SERPINB7: variants seen among roughly 807,000 people sequenced by gnomAD.
SERPINB7 encodes the protein serpin B7.
In SERPINB7, 31 loss-of-function variants were observed where a neutral mutation model predicts 37.4. The ratio of observed to expected loss-of-function variants is 0.83; its 90% CI spans 0.62 to 1.12. The LOEUF (loss-of-function observed/expected upper bound fraction) is 1.12. SERPINB7 is among the 50% of genes most tolerant of loss of function. The pLI, the probability that SERPINB7 is intolerant of heterozygous loss-of-function variation, is 0.00. For missense variants in SERPINB7, 521 were observed against 455.3 expected (o/e 1.14, Z -1.31); for synonymous variants, 163 against 166.1 (o/e 0.98, Z 0.14).
chr18:63,771,529 A>T (rs143996865), upstream of SERPINB7, among the ~76,000 whole-genome samples: 1 of 152,056 alleles, frequency 6.6e-6, no homozygotes, highest in African/African-American at 2.4e-5. Flanking sequence ...ATGTGTTCTT[A>T]TATGTTTCAC....
chr18:63,775,832 A>G (rs776034032), intron 1 of SERPINB7, 116 bp downstream of exon 1: 1 of 152,126 alleles, frequency 6.6e-6, no homozygotes, highest in Non-Finnish European at 1.5e-5. Context: ...TAAATGGCCA[A>G]TGATCATGCT....
intron 2 of SERPINB7, among the ~76,000 whole-genome samples, chr18:63,790,083 T>C (rs2049411200): frequency 6.6e-6 from 1 of 152,200 alleles, no homozygotes; most frequent in South Asian, 2.1e-4. Context: ...AATTAGGTGA[T>C]AAAAACTACA....
At chr18:63,771,355 T>C (rs1394541139), upstream of SERPINB7, among the ~76,000 whole-genome samples, 1 of 152,120 alleles carries the variant, frequency 6.6e-6, no homozygotes, top group Non-Finnish European at 1.5e-5. Context: ...GTTTCCTGCA[T>C]AGACTGGATC....
intron 1 of SERPINB7, among the ~76,000 whole-genome samples, chr18:63,776,188 T>C (rs370791478): frequency 4.1e-4 from 62 of 151,896 alleles, no homozygotes; most frequent in African/African-American, 1.5e-3. Context: ...TGCTGTTGAG[T>C]TTTAAAATAA....
chr18:63,790,935 T>A (rs143434246), intron 2 of SERPINB7, among the ~76,000 whole-genome samples: 5,453 of 152,282 alleles, frequency 0.036, 130 homozygotes, highest in African/African-American at 0.068. Context: ...GTGGCACATA[T>A]GCACTATGGA....
At chr18:63,769,735 T>G (rs1287916697) in intron 1 of SERPINB7, among the ~76,000 whole-genome samples, 1 of 152,094 alleles carries the variant, frequency 6.6e-6, no homozygotes, top group East Asian at 1.9e-4. Flanking sequence ...GTATCATAAT[T>G]TAGTCAACAA....
At chr18:63,779,948 T>A (rs1430183471) in intron 1 of SERPINB7, among the ~76,000 whole-genome samples, 1 of 152,140 alleles carries the variant, frequency 6.6e-6, no homozygotes, top group Non-Finnish European at 1.5e-5. Context: ...AAATGTATCT[T>A]AAAGTATATT....
rs1420022306 is a variant in SERPINB7, at chr18:63,782,397, G to A, written c.25G>A (p.Ala9Thr). ...AATGGCCTCCCTTGCTGCAGCAAAT[G>A]CAGAGTTTTGCTTCAACCTGTTCAG... The part of the protein sequence containing the change: MASLAAAN[A>T]EFCFNLFREM... Residue 9 changes from alanine (A) to threonine (T), a missense_variant, in exon 2 of 8, where the codon GCA becomes ACA. Ala to Thr is a moderately conservative substitution (Grantham distance 58, BLOSUM62 0). Coordinates refer to ENST00000398019, the MANE Select transcript of SERPINB7 (RefSeq NM_003784.4). 2 of 1,612,562 alleles carry A rather than the reference G, an allele frequency of 1.2e-6. No homozygotes were observed. The highest frequency in any genetic ancestry group is 1.7e-6 in the Non-Finnish European group (2 of 1,179,104).
chr18:63,767,691 A>G (rs936259607), intron 1 of SERPINB7, among the ~76,000 whole-genome samples: 1 of 152,022 alleles, frequency 6.6e-6, no homozygotes, highest in Non-Finnish European at 1.5e-5. Flanking sequence ...CAGCTCATAA[A>G]TGAGCTGGAA....
At chr18:63,759,381 A>C (rs2084239859) in intron 1 of SERPINB7, among the ~76,000 whole-genome samples, 1 of 152,208 alleles carries the variant, frequency 6.6e-6, no homozygotes, top group South Asian at 2.1e-4. Context: ...TCCTTCACAG[A>C]AGAACATGAC....
upstream of SERPINB7, among the ~76,000 whole-genome samples, chr18:63,771,033 C>A (rs1376426166): frequency 1.9e-5 from 2 of 104,500 alleles, no homozygotes; most frequent in Non-Finnish European, 3.6e-5. Context: ...ATGCAGTTTG[C>A]GTGGTGGGGT....
intron 1 of SERPINB7, chr18:63,777,826 G>T (rs1396260441): frequency 7.1e-6 from 1 of 140,996 alleles, no homozygotes; most frequent in East Asian, 2.3e-4. Context: ...AGACAGTAAG[G>T]TAAATACTTC....
intron 1 of SERPINB7, chr18:63,778,180 A>G (rs1329232704): frequency 6.6e-6 from 1 of 152,084 alleles, no homozygotes; most frequent in Non-Finnish European, 1.5e-5. Flanking sequence ...CTGTGTTCTT[A>G]TTTAAGGCAT....
chr18:63,805,030 A>G lies in SERPINB7; in HGVS notation c.*395A>G. ...CTAGCTTCATTGTAAGCAATCTAGG[A>G]AATAAGCCCTGCTGCTTTCTAGAAA... is the stretch of plus-strand genomic sequence containing the variant. On this transcript the variant is annotated 3_prime_UTR_variant, in exon 8 of 8. Coordinates refer to ENST00000398019, the MANE Select transcript of SERPINB7 (RefSeq NM_003784.4). 5.9e-6 allele frequency: 1 copy of G among 169,532 alleles called. No homozygotes were observed. Among genetic ancestry groups the G allele is most frequent in the East Asian group, 1.7e-4 (1 of 5,854 alleles). 10.5% of individuals were successfully genotyped at this position (169,532 alleles called of 1,614,324 possible). A position where few individuals can be genotyped will look rare whatever the true frequency, so the allele number is the denominator to read the frequency against.
intron 7 of SERPINB7, among the ~76,000 whole-genome samples, chr18:63,802,131 T>G (rs575590069): frequency 6.6e-5 from 10 of 152,326 alleles, no homozygotes; most frequent in Admixed American, 3.3e-4. Context: ...GATTTCCTAC[T>G]GTTATAATTT....
At chr18:63,787,309 TG>T (rs1028352998) in intron 2 of SERPINB7, among the ~76,000 whole-genome samples, 2 of 152,304 alleles carry the variant, frequency 1.3e-5, no homozygotes, top group Admixed American at 1.3e-4. Context: ...CTTGGATTTT[TG>T]TAAAGATAAA....
At chr18:63,765,797 C>T (rs189762788) in intron 1 of SERPINB7, among the ~76,000 whole-genome samples, 10 of 152,166 alleles carry the variant, frequency 6.6e-5, no homozygotes, top group East Asian at 3.9e-4. Context: ...TTCTAGAAAC[C>T]GATTTTTTTC....
chr18:63,779,674 C>T (rs970677), intron 1 of SERPINB7, among the ~76,000 whole-genome samples: 2 of 151,764 alleles, frequency 1.3e-5, no homozygotes, highest in Admixed American at 6.6e-5. Flanking sequence ...TAAAACTTAC[C>T]TAAGCTAAAC....
At chr18:63,756,028 A>G (rs1007294098) in intron 1 of SERPINB7, among the ~76,000 whole-genome samples, 1 of 152,022 alleles carries the variant, frequency 6.6e-6, no homozygotes, top group Non-Finnish European at 1.5e-5. Context: ...TCATTGATAT[A>G]TAAATATATA....
Sources: gnomAD v4.1 joint callset for allele counts (sites outside exome capture counted in the v4.1 genomes callset) on GRCh38, gnomAD v4.1.1 for gene constraint, MANE v1.5 for transcripts, NCBI Gene and HGNC (gene_info 2026-07-23, HGNC 2026-07-21) for gene names.